Variants in ZFAT observed in about 807,000 individuals in gnomAD.
ZFAT encodes zinc finger and AT-hook domain containing, also known as zinc finger protein ZFAT.
ZFAT carries 64 observed loss-of-function variants against 117.7 expected under a neutral mutation model. The observed-to-expected ratio is 0.54, with a 90% CI of 0.44 to 0.67. The LOEUF is 0.67. Ranked by LOEUF, ZFAT falls within the 30% of genes least tolerant of loss-of-function variation. The pLI, the probability that ZFAT is intolerant of heterozygous loss-of-function variation, is 0.00. For missense variants in ZFAT, 1,433 were observed against 1,584.5 expected (o/e 0.90, Z 1.62); for synonymous variants, 679 against 615.0 (o/e 1.10, Z -1.54).
the ZFAT span, among the ~76,000 whole-genome samples, chr8:134,740,202 C>G: frequency 1.3e-5 from 2 of 152,330 alleles, no homozygotes; most frequent in African/African-American, 4.8e-5. Context: ...ACGGGAGGCA[C>G]CCATTCCCTT....
the ZFAT span, among the ~76,000 whole-genome samples, chr8:134,770,821 C>T: frequency 1.1e-4 from 17 of 152,240 alleles, no homozygotes; most frequent in Admixed American, 3.9e-4. Flanking sequence ...GCCCCCTGGG[C>T]GTAGCTGTCT....
At chr8:134,718,140 G>A in the ZFAT span, among the ~76,000 whole-genome samples, 1 of 152,208 alleles carries the variant, frequency 6.6e-6, no homozygotes, top group Non-Finnish European at 1.5e-5. Flanking sequence ...TAATTTGACT[G>A]TGTAAATGTT....
Position 134,526,247 on chromosome 8 carries a change from GC to G in ZFAT, c.3116-5247del, listed in dbSNP as rs537610744. 2.4e-4 allele frequency among the ~76,000 whole-genome samples: 36 copies of G among 152,232 alleles called. 1 individual carries two copies. The South Asian group carries it at 7.5e-3, about 32-fold the overall frequency. On this transcript the variant is annotated intron_variant, in intron 12 of 15. Transcript: ENST00000377838. Reference sequence around the variant, plus strand: ...TTTAAATTAAACTTAATATGATAATGCCCCCACATTAATTAAAACTTCAGCC... The same window carrying G: ...TTTAAATTAAACTTAATATGATAATGCCCCACATTAATTAAAACTTCAGCC...
intron 11 of ZFAT, among the ~76,000 whole-genome samples, chr8:134,537,548 C>T (rs1821932530): frequency 1.3e-5 from 2 of 152,166 alleles, no homozygotes; most frequent in Non-Finnish European, 2.9e-5. Flanking sequence ...AGGGTCGATA[C>T]CAGCCAGTGT....
At chr8:134,578,852 G>A (rs1825512093) in intron 10 of ZFAT, among the ~76,000 whole-genome samples, 1 of 152,198 alleles carries the variant, frequency 6.6e-6, no homozygotes, top group South Asian at 2.1e-4. Context: ...CAATGCTTTT[G>A]ACTTGAGCAA....
intron 7 of ZFAT, among the ~76,000 whole-genome samples, chr8:134,593,303 T>G (rs1826668064): frequency 1.3e-5 from 2 of 150,224 alleles, no homozygotes; most frequent in African/African-American, 2.4e-5. Context: ...TATTTTTTGA[T>G]GCCTTTGAAG....
chr8:134,668,416 A>T (rs1832360736), intron 1 of ZFAT, among the ~76,000 whole-genome samples: 1 of 152,246 alleles, frequency 6.6e-6, no homozygotes, highest in African/African-American at 2.4e-5. Flanking sequence ...TTCCAGAGGA[A>T]TGATCAGGCA....
At chr8:134,479,327 A>T (rs1817124515) in intron 15 of ZFAT, among the ~76,000 whole-genome samples, 1 of 152,216 alleles carries the variant, frequency 6.6e-6, no homozygotes, top group East Asian at 1.9e-4. Context: ...GTGGAAACTC[A>T]CTGCCACAGG....
the ZFAT span, among the ~76,000 whole-genome samples, chr8:134,730,121 G>A: frequency 6.6e-6 from 1 of 152,204 alleles, no homozygotes; most frequent in Non-Finnish European, 1.5e-5. Flanking sequence ...GAAAGCAGAA[G>A]AGAAGTCTGG....
chr8:134,788,006 G>A, the ZFAT span, among the ~76,000 whole-genome samples: 6 of 151,982 alleles, frequency 3.9e-5, no homozygotes, highest in Non-Finnish European at 5.9e-5. Context: ...TCTATAAATG[G>A]TATTATTTTC....
At chr8:134,616,435 G>A (rs1053258423) in intron 3 of ZFAT, among the ~76,000 whole-genome samples, 3 of 152,260 alleles carry the variant, frequency 2.0e-5, no homozygotes, top group East Asian at 1.9e-4. Flanking sequence ...TCAAAGTTGC[G>A]TTTTGTCCCC....
At chr8:134,795,776 CTG>C in the ZFAT span, 1 of 152,196 alleles carries the variant, frequency 6.6e-6, no homozygotes, top group Non-Finnish European at 1.5e-5. Flanking sequence ...TCGCAGGCAA[CTG>C]TGTTCCTCTT....
chr8:134,610,570 T>G lies in ZFAT; in HGVS notation c.534A>C (p.Thr178=), dbSNP rs1489905146. 4.3e-6 allele frequency: 7 copies of G among 1,614,128 alleles called. No individual in the cohort carries two copies. The African/African-American group carries it at 8.0e-5, about 18-fold the overall frequency. ...KASKRPRSQK[T]EKVQKISGKE... ...TTCCTGAGATCTTCTGGACTTTCTCTGTTTTCTGTGACCGTGGTCTTTTCG... is the reference window on the plus strand; with the variant it reads ...TTCCTGAGATCTTCTGGACTTTCTCGGTTTTCTGTGACCGTGGTCTTTTCG... The change falls in exon 4 of 16, where the codon ACA becomes ACC. Residue 178 remains threonine, a synonymous_variant. Coordinates refer to ENST00000377838, the MANE Select transcript of ZFAT (RefSeq NM_020863.4).
At chr8:134,521,115 C>T in intron 12 of ZFAT, 114 bp from the exon 13 acceptor site, 1 of 673,304 alleles carries the variant, frequency 1.5e-6, no homozygotes, top group Non-Finnish European at 2.5e-6. Flanking sequence ...TTGTCTCCAG[C>T]ACTTGTATTC....
At chr8:134,535,431 A>G (rs1025686078) in intron 11 of ZFAT, among the ~76,000 whole-genome samples, 6 of 151,442 alleles carry the variant, frequency 4.0e-5, no homozygotes, top group African/African-American at 1.5e-4. Context: ...AACTGATCAC[A>G]GAGTCTTGTC....
chr8:134,530,504 C>T (rs548241438), intron 12 of ZFAT, among the ~76,000 whole-genome samples: 23 of 152,332 alleles, frequency 1.5e-4, no homozygotes, highest in Middle Eastern at 6.8e-3. Context: ...ACTCCACCAT[C>T]CATCTGATTT....
At chr8:134,740,830 A>T in the ZFAT span, among the ~76,000 whole-genome samples, 1 of 152,232 alleles carries the variant, frequency 6.6e-6, no homozygotes, top group Non-Finnish European at 1.5e-5. Context: ...TCAAGAAGCT[A>T]ATCAGTAAGA....
intron 7 of ZFAT, among the ~76,000 whole-genome samples, chr8:134,596,649 T>C (rs1382283806): frequency 6.6e-6 from 1 of 152,102 alleles, no homozygotes; most frequent in Non-Finnish European, 1.5e-5. Flanking sequence ...AAATTACCAC[T>C]AAAAAAATGC....
intron 3 of ZFAT, among the ~76,000 whole-genome samples, chr8:134,628,652 C>T (rs1034553935): frequency 6.6e-6 from 1 of 152,162 alleles, no homozygotes; most frequent in African/African-American, 2.4e-5. Context: ...CATTATAATA[C>T]CATGTGTGTA....
Sources: gnomAD v4.1 joint callset for allele counts (sites outside exome capture counted in the v4.1 genomes callset) on GRCh38, gnomAD v4.1.1 for gene constraint, MANE v1.5 for transcripts, NCBI Gene and HGNC (gene_info 2026-07-23, HGNC 2026-07-21) for gene names.